DRC7: variants seen among roughly 807,000 people sequenced by gnomAD.
DRC7 encodes the protein coiled-coil domain containing 135.
In DRC7, 80 loss-of-function variants were observed where a neutral mutation model predicts 104.4. The ratio of observed to expected loss-of-function variants is 0.77; its 90% confidence interval spans 0.64 to 0.92. The LOEUF (loss-of-function observed/expected upper bound fraction) is 0.92, where lower values mean the gene tolerates loss of function less well. Ranked by LOEUF, DRC7 falls within the 40% of genes least tolerant of loss-of-function variation. The probability of loss-of-function intolerance (pLI) is 0.00; values close to 1 mark genes in which losing one functional copy is unlikely to be tolerated. For missense variants in DRC7, 1,034 were observed against 1,141.1 expected (o/e 0.91, Z 1.35); for synonymous variants, 405 against 447.3 (o/e 0.91, Z 1.19).
chr16:57,730,991 C>T lies in DRC7; in HGVS notation c.2452C>T (p.Pro818Ser), dbSNP rs1353541962. The T allele has an allele frequency of 1.9e-6, 3 of 1,613,500 alleles. No individual in the cohort carries two copies. The highest frequency in any genetic ancestry group is 2.5e-6 in the Non-Finnish European group (3 of 1,179,980). Reference sequence around the variant, plus strand: ...CCAGGAGAACCAGGTGACGCTGACACCCGAGGATGAAGACCTGTACCTGAG... The same window carrying T: ...CCAGGAGAACCAGGTGACGCTGACATCCGAGGATGAAGACCTGTACCTGAG... Reference protein sequence around the residue: ...WYQENQVTLTPEDEDLYLSYC... With the variant: ...WYQENQVTLTSEDEDLYLSYC... The change falls in exon 18 of 19, where the codon CCC (proline) becomes TCC (serine). Residue 818 changes from proline (P) to serine (S), a missense_variant. Transcript: ENST00000360716.
At chr16:57,729,074 ATGGATGAGTGGGTAG>A (rs1567890344) in intron 17 of DRC7, among the ~76,000 whole-genome samples, 3 of 117,444 alleles carry the variant, frequency 2.6e-5, no homozygotes, top group Non-Finnish European at 5.1e-5. Context: ...GAGTGAGTGG[ATGGATGAGTGGGTAG>A]GTGGATGGAT....
chr16:57,726,072 T>C lies in DRC7; in HGVS notation c.1763T>C (p.Ile588Thr), dbSNP rs1253992475. 1.2e-6 allele frequency: 2 copies of C among 1,612,738 alleles called. No individual in the cohort carries two copies. The highest frequency in any genetic ancestry group is 4.5e-5 in the East Asian group (2 of 44,882). Residue 588 changes from isoleucine to threonine, a missense_variant, in exon 14 of 19, where the codon ATC becomes ACC. Physicochemically the swap from Ile to Thr is moderately conservative, Grantham distance 89. Transcript: ENST00000360716. ...TTGCATGTTCTGGCCTCCCAGAAAATCACAGAGCGGTTCTTCCGCAACCCA... is the reference window on the plus strand; with the variant it reads ...TTGCATGTTCTGGCCTCCCAGAAAACCACAGAGCGGTTCTTCCGCAACCCA... ...AESNPRPIVK[I>T]TERFFRNPAK...
In DRC7 at chr16:57,728,511, A is replaced by G. The variant is rs1260270212; in HGVS notation, c.2318A>G (p.Lys773Arg). The G allele has an allele frequency of 3.1e-6, 5 of 1,612,148 alleles. No individual in the cohort carries two copies. The African/African-American group carries it at 6.7e-5, about 22-fold the overall frequency. Reference sequence around the variant, plus strand: ...ACATGCTGGCAGGCGGTGCGCCTCAAGGATGAGTGCCTCAGCGACTTCAAG... The same window carrying G: ...ACATGCTGGCAGGCGGTGCGCCTCAGGGATGAGTGCCTCAGCGACTTCAAG... ...KLTCWQAVRL[K>R]DECLSDFKQR... The change falls in exon 17 of 19, where the codon AAG becomes AGG. Residue 773 changes from lysine to arginine, a missense_variant. Coordinates refer to ENST00000360716, the MANE Select transcript of DRC7 (RefSeq NM_001289162.2).
chr16:57,721,700 C>T lies in DRC7; in HGVS notation c.1240C>T (p.Pro414Ser), dbSNP rs1351855550. 1 of 1,613,878 alleles carries T rather than the reference C, an allele frequency of 6.2e-7. No individual in the cohort carries two copies. The highest frequency in any genetic ancestry group is 8.5e-7 in the Non-Finnish European group (1 of 1,179,846). ...GGATGAGGATAAGAGCTTCGACATG[C>T]CCCACTCGTGGGTGGAGCAGATTGA... ...KEDEDKSFDM[P>S]HSWVEQIEIS... Residue 414 changes from proline (P) to serine (S), a missense_variant, in exon 10 of 19, where the codon CCC (proline) becomes TCC (serine). By Grantham distance (74) the Pro-to-Ser change is moderately conservative. Transcript: ENST00000360716.
rs140465727 is a variant in DRC7, at chr16:57,718,363, T to G, written c.1094T>G (p.Leu365Arg). 3.1e-6 allele frequency: 5 copies of G among 1,614,066 alleles called. No individual in the cohort carries two copies. Among genetic ancestry groups the G allele is most frequent in the Non-Finnish European group, 3.4e-6 (4 of 1,179,932 alleles). ...CCCCAACAGGACTTGATCTTTGACC[T>G]GGGTGACCCTGTGAGATGGGAGTAC... Reference protein sequence around the residue: ...WNCCKDLIFDLGDPVRWEYML... With the variant: ...WNCCKDLIFDRGDPVRWEYML... The change falls in exon 9 of 19, where the codon CTG becomes CGG. Residue 365 changes from leucine (L) to arginine (R), a missense_variant. Physicochemically the swap from Leu to Arg is moderately radical, Grantham distance 102. Transcript: ENST00000360716.
At chr16:57,705,695 T>C (rs1383831709) in intron 7 of DRC7, among the ~76,000 whole-genome samples, 82 of 37,122 alleles carry the variant, frequency 2.2e-3, no homozygotes, top group Middle Eastern at 0.021. Flanking sequence ...ATCCTCCCAT[T>C]TATCCTCCCA....
At chr16:57,712,445 C>G (rs1164023640) in intron 8 of DRC7, among the ~76,000 whole-genome samples, 1 of 152,184 alleles carries the variant, frequency 6.6e-6, no homozygotes, top group Non-Finnish European at 1.5e-5. Context: ...GTCTGAGCCC[C>G]CAGCTTGGAA....
At chr16:57,728,040 T>A (rs984721163) in intron 16 of DRC7, among the ~76,000 whole-genome samples, 4 of 152,218 alleles carry the variant, frequency 2.6e-5, no homozygotes, top group Non-Finnish European at 5.9e-5. Context: ...TTAACTAACA[T>A]CGTTAATAAC....
intron 6 of DRC7, 83 bp downstream of exon 6, chr16:57,702,213 A>G: frequency 1.4e-6 from 2 of 1,445,792 alleles, no homozygotes; most frequent in Non-Finnish European, 1.9e-6. Context: ...GACGTCCATC[A>G]CTGCCGCCTC....
At position 57,702,055 on chromosome 16, in the gene DRC7, C is replaced by G; in HGVS notation, c.624C>G (p.Asn208Lys). The G allele has an allele frequency of 6.2e-7, 1 of 1,614,220 alleles. No individual in the cohort carries two copies. The highest frequency in any genetic ancestry group is 8.5e-7 in the Non-Finnish European group (1 of 1,180,036). Residue 208 changes from asparagine to lysine, a missense_variant, in exon 6 of 19, where the codon AAC (asparagine) becomes AAG (lysine). Coordinates refer to ENST00000360716, the MANE Select transcript of DRC7 (RefSeq NM_001289162.2). ...IGSGYDAYCV[N>K]GYGSLDLCHM... Reference sequence around the variant, plus strand: ...CTGGCTATGATGCTTACTGCGTCAACGGCTACGGCTCGCTGGACCTGTGCC... The same window carrying G: ...CTGGCTATGATGCTTACTGCGTCAAGGGCTACGGCTCGCTGGACCTGTGCC...
intron 11 of DRC7, 55 bp from the exon 12 acceptor site, chr16:57,722,947 G>C: frequency 6.2e-7 from 1 of 1,613,230 alleles, no homozygotes; most frequent in Non-Finnish European, 8.5e-7. Context: ...GAATAAGGGG[G>C]GTTGAAGGCT....
At position 57,721,735 on chromosome 16, in the gene DRC7, G is replaced by A. The variant is rs116185027; in HGVS notation, c.1275G>A (p.Pro425=). The A allele has an allele frequency of 1.2e-4, 193 of 1,612,814 alleles. No homozygotes were observed. The East Asian group carries it at 3.3e-3, about 27-fold the overall frequency. ...GGGTGGAGCAGATTGAGATCTCCCCGGAAGGTATTTTCTATTTGTGTATTC... is the reference window on the plus strand; with the variant it reads ...GGGTGGAGCAGATTGAGATCTCCCCAGAAGGTATTTTCTATTTGTGTATTC... ...HSWVEQIEIS[P]EAFETRCPNG... Residue 425 remains proline (P), a synonymous_variant, in exon 10 of 19, where the codon CCG becomes CCA. Coordinates refer to ENST00000360716, the MANE Select transcript of DRC7 (RefSeq NM_001289162.2).
At position 57,731,503 on chromosome 16, in the gene DRC7, CTGT is replaced by C. The variant is rs1470566544; in HGVS notation, c.*247_*249del. The C allele has an allele frequency of 5.4e-6, 3 of 555,302 alleles. No homozygotes were observed. The Admixed American group carries it at 9.7e-5, about 18-fold the overall frequency. 34.4% of individuals were successfully genotyped at this position (555,302 alleles called of 1,614,324 possible). ...CTCCAGCAGCAGCCTTTCTCTTCTTCTGTTATCTATAGCCTGGGACCACCCCCT... is the reference window on the plus strand; with the variant it reads ...CTCCAGCAGCAGCCTTTCTCTTCTTCTATCTATAGCCTGGGACCACCCCCT... On this transcript the variant is annotated 3_prime_UTR_variant, in exon 19 of 19. Coordinates refer to ENST00000360716, the MANE Select transcript of DRC7 (RefSeq NM_001289162.2).
At chr16:57,710,427 T>C (rs1242881469) in intron 8 of DRC7, among the ~76,000 whole-genome samples, 1 of 152,244 alleles carries the variant, frequency 6.6e-6, no homozygotes, top group Non-Finnish European at 1.5e-5. Flanking sequence ...TCCATCAATG[T>C]TTATACAGAT....
rs772685188 is a variant in DRC7, at chr16:57,728,367, C to G, written c.2197-23C>G. 5.2e-6 allele frequency: 8 copies of G among 1,550,500 alleles called. No individual in the cohort carries two copies. The Admixed American group carries it at 5.6e-5, about 11-fold the overall frequency. On this transcript the variant is annotated intron_variant, in intron 16 of 18. Transcript: ENST00000360716. ...GTCTCTGTAGTTCCTGCTGATCCAG[C>G]TATCTGCCCCTCACCTTTACAGGAG...
chr16:57,705,789 TCCA>T (rs2048713247), intron 7 of DRC7, among the ~76,000 whole-genome samples: 2 of 119,056 alleles, frequency 1.7e-5, no homozygotes, highest in African/African-American at 6.6e-5. Context: ...CATCCTCCCA[TCCA>T]TCCATCCTCC....
chr16:57,718,021 C>A (rs1198162533), intron 8 of DRC7, among the ~76,000 whole-genome samples: 13 of 152,232 alleles, frequency 8.5e-5, no homozygotes, highest in Non-Finnish European at 1.5e-5. Flanking sequence ...ACTGCCCAGC[C>A]GATGCGGAAA....
chr16:57,706,166 ACCCATCCT>A (rs2048721884), intron 7 of DRC7, among the ~76,000 whole-genome samples: 1 of 109,730 alleles, frequency 9.1e-6, no homozygotes, highest in Non-Finnish European at 1.9e-5. Flanking sequence ...CTTCCCATCC[ACCCATCCT>A]CCCATCCTCT....
chr16:57,701,752 G>A (rs181612834), intron 5 of DRC7, 184 bp from the exon 6 acceptor site: 2 of 579,700 alleles, frequency 3.5e-6, no homozygotes, highest in East Asian at 5.7e-5. Context: ...GAATGGCATG[G>A]TGTCTGGTTG....
Sources: gnomAD v4.1 joint callset for allele counts (sites outside exome capture counted in the v4.1 genomes callset) on GRCh38, gnomAD v4.1.1 for gene constraint, MANE v1.5 for transcripts, NCBI Gene and HGNC (gene_info 2026-07-23, HGNC 2026-07-21) for gene names.